Variants in ERICH3 observed in about 807,000 individuals in gnomAD.
The protein encoded by ERICH3 is glutamate rich 3.
ERICH3 carries 126 observed loss-of-function variants against 131.1 expected under a neutral mutation model. The observed-to-expected ratio is 0.96, with a 90% CI of 0.83 to 1.11. The LOEUF is 1.11. ERICH3 is among the 50% of genes most tolerant of loss of function. The pLI is 0.00. For missense variants in ERICH3, 2,050 were observed against 1,810.7 expected (o/e 1.13, Z -2.40); for synonymous variants, 695 against 644.6 (o/e 1.08, Z -1.18).
At chr1:74,610,454 C>T (rs1402985056) in intron 9 of ERICH3, among the ~76,000 whole-genome samples, 1 of 149,840 alleles carries the variant, frequency 6.7e-6, no homozygotes, top group Non-Finnish European at 1.5e-5. Context: ...CTTCTTAAGG[C>T]TTATACCCCC....
chr1:74,570,152 A>C lies in ERICH3; in HGVS notation c.*306T>G, dbSNP rs1320520667. 2 of 152,228 alleles carry C rather than the reference A, an allele frequency of 1.3e-5. No homozygotes were observed. The highest frequency in any genetic ancestry group is 2.9e-5 in the Non-Finnish European group (2 of 68,038). The allele number at this position is 152,228 out of a possible 1,614,324, so 9.4% of individuals were successfully genotyped here. A position where few individuals can be genotyped will look rare whatever the true frequency, so the allele number is the denominator to read the frequency against. ...ATCTTTGGTAAAAGTCAAGCATCTG[A>C]AAATTATCATTTTTGTTTGAAAATA... On this transcript the variant is annotated 3_prime_UTR_variant, in exon 15 of 15. Coordinates refer to ENST00000326665, the MANE Select transcript of ERICH3 (RefSeq NM_001002912.5).
At chr1:74,596,692 A>G (rs1304988697) in intron 11 of ERICH3, among the ~76,000 whole-genome samples, 3 of 152,066 alleles carry the variant, frequency 2.0e-5, no homozygotes, top group African/African-American at 7.2e-5. Context: ...TCAACCTTAT[A>G]ACATTCATCT....
chr1:74,572,553 C>A lies in ERICH3; in HGVS notation c.3157G>T (p.Glu1053Ter), dbSNP rs1284811083. Reference protein sequence around the residue: ...EDDRKEILPKELDLARERRKA... With the variant: ...EDDRKEILPK ...CTTCGCTCTCTTGCTAAATCTAATT[C>A]CTTGGGTAAAATTTCTTTCCTATCA... Residue 1053 changes from glutamate to a stop codon, truncating the protein, a stop_gained, in exon 14 of 15, where the codon GAA (glutamate) becomes TAA (stop). Coordinates refer to ENST00000326665, the MANE Select transcript of ERICH3 (RefSeq NM_001002912.5). LOFTEE classifies it high-confidence loss of function. 6.2e-7 allele frequency: 1 copy of A among 1,614,036 alleles called. No individual in the cohort carries two copies. Among genetic ancestry groups the A allele is most frequent in the Admixed American group, 1.7e-5 (1 of 60,012 alleles).
At chr1:74,653,663 T>A (rs936941111) in intron 1 of ERICH3, among the ~76,000 whole-genome samples, 1 of 152,150 alleles carries the variant, frequency 6.6e-6, no homozygotes, top group African/African-American at 2.4e-5. Flanking sequence ...ACAGCTCTTT[T>A]ATCTTACTAA....
At chr1:74,640,511 A>G (rs1277008447) in intron 5 of ERICH3, among the ~76,000 whole-genome samples, 5 of 152,204 alleles carry the variant, frequency 3.3e-5, no homozygotes, top group African/African-American at 1.2e-4. Flanking sequence ...GAAAAAGTAC[A>G]TGTTAACAAG....
chr1:74,644,737 A>G (rs1440055931), intron 3 of ERICH3, among the ~76,000 whole-genome samples: 2 of 152,050 alleles, frequency 1.3e-5, no homozygotes, highest in South Asian at 4.2e-4. Flanking sequence ...ATAGCTTCCT[A>G]ATTGACCTCC....
chr1:74,630,636 GAT>G (rs780194529), intron 7 of ERICH3, among the ~76,000 whole-genome samples: 1 of 152,146 alleles, frequency 6.6e-6, no homozygotes, highest in Non-Finnish European at 1.5e-5. Context: ...ATGAAGAAAA[GAT>G]AAAACAGAAG....
At position 74,571,589 on chromosome 1, in the gene ERICH3, T is replaced by G; in HGVS notation, c.4121A>C (p.Lys1374Thr). 1 of 1,614,090 alleles carries G rather than the reference T, an allele frequency of 6.2e-7. No individual in the cohort carries two copies. Among genetic ancestry groups the G allele is most frequent in the Non-Finnish European group, 8.5e-7 (1 of 1,179,990 alleles). ...AGCAACATCTGAAAAGGAGGAGGCTTTATTTGCTATTGTTTTCTCCTCGGC... is the reference window on the plus strand; with the variant it reads ...AGCAACATCTGAAAAGGAGGAGGCTGTATTTGCTATTGTTTTCTCCTCGGC... ...ETAEEKTIANKASSFSDVAEE... is the reference protein window; with the variant it reads ...ETAEEKTIANTASSFSDVAEE... Residue 1374 changes from lysine (K) to threonine (T), a missense_variant, in exon 14 of 15, where the codon AAA (lysine) becomes ACA (threonine). Lys to Thr is a moderately conservative substitution (Grantham distance 78). Coordinates refer to ENST00000326665, the MANE Select transcript of ERICH3 (RefSeq NM_001002912.5).
intron 5 of ERICH3, among the ~76,000 whole-genome samples, chr1:74,638,376 G>C (rs1328934382): frequency 6.6e-6 from 1 of 152,152 alleles, no homozygotes. Context: ...TAAAATACCT[G>C]AGACCAGAAC....
At chr1:74,657,368 C>T (rs1646594923) in intron 1 of ERICH3, among the ~76,000 whole-genome samples, 1 of 152,132 alleles carries the variant, frequency 6.6e-6, no homozygotes, top group Non-Finnish European at 1.5e-5. Context: ...GAACAACTGA[C>T]ATCAGGGCCA....
intron 1 of ERICH3, among the ~76,000 whole-genome samples, chr1:74,669,157 G>C (rs1468759030): frequency 1.3e-5 from 2 of 152,130 alleles, no homozygotes; most frequent in Non-Finnish European, 2.9e-5. Context: ...GGAGTACTAA[G>C]GATGTATTAA....
At chr1:74,627,723 T>G (rs1322494540) in intron 7 of ERICH3, among the ~76,000 whole-genome samples, 1 of 152,080 alleles carries the variant, frequency 6.6e-6, no homozygotes, top group Admixed American at 6.6e-5. Flanking sequence ...ATATGCAGAT[T>G]TTTTTCAATA....
At chr1:74,611,916 C>A (rs187823740) in intron 9 of ERICH3, among the ~76,000 whole-genome samples, 1 of 152,056 alleles carries the variant, frequency 6.6e-6, no homozygotes, top group African/African-American at 2.4e-5. Context: ...TTTGTAGGTA[C>A]GTTATTAGCT....
intron 12 of ERICH3, among the ~76,000 whole-genome samples, chr1:74,588,687 C>T (rs1423548965): frequency 5.3e-5 from 8 of 152,036 alleles, no homozygotes; most frequent in Non-Finnish European, 1.0e-4. Context: ...AGTTCCAGGG[C>T]ACAGGAGGCT....
chr1:74,571,328 C>T lies in ERICH3; in HGVS notation c.4382G>A (p.Ser1461Asn), dbSNP rs1454676843. 1.2e-6 allele frequency: 2 copies of T among 1,614,106 alleles called. No homozygotes were observed. The highest frequency in any genetic ancestry group is 3.3e-5 in the Admixed American group (2 of 60,016). Residue 1461 changes from serine to asparagine, a missense_variant, in exon 14 of 15, where the codon AGT (serine) becomes AAT (asparagine). Coordinates refer to ENST00000326665, the MANE Select transcript of ERICH3 (RefSeq NM_001002912.5). ...TCCTGTCTCCTGCCTCCCATCGCCA[C>T]TCCCAGTGGCTGCCTCCTGGCCCTC... ...GSEGQEAATG[S>N]GDGRQETGAA...
chr1:74,612,637 T>A lies in ERICH3; in HGVS notation c.1173A>T (p.Ser391=). 1.3e-6 allele frequency: 2 copies of A among 1,562,102 alleles called. No individual in the cohort carries two copies. Among genetic ancestry groups the A allele is most frequent in the Admixed American group, 3.4e-5 (2 of 58,512 alleles). ...GYFGFVCVER[S]SPCYKCIIAM... ...TGTTTCCATACTTGTAGCAAGGAGA[T>A]GATCTCTCAACACACACAAACCCAA... The change falls in exon 9 of 15, where the codon TCA becomes TCT. Residue 391 remains serine (S), a synonymous_variant. Transcript: ENST00000326665.
chr1:74,652,375 C>G (rs1646543371), intron 1 of ERICH3, among the ~76,000 whole-genome samples: 1 of 152,082 alleles, frequency 6.6e-6, no homozygotes, highest in South Asian at 2.1e-4. Context: ...GGCTGATCCT[C>G]TCTGTTCTGG....
rs929067965 is a variant in ERICH3, at chr1:74,577,118, G to A, written c.2177-182C>T. 6 of 529,450 alleles carry A rather than the reference G, an allele frequency of 1.1e-5. No individual in the cohort carries two copies. The Admixed American group carries it at 2.1e-4, about 19-fold the overall frequency. The allele number at this position is 529,450 out of a possible 1,614,324, so 32.8% of individuals were successfully genotyped here. On this transcript the variant is annotated intron_variant, in intron 12 of 14. Transcript: ENST00000326665. ...TCCTACCAGTATTGTATAATCTAAT[G>A]TTCTTTTATTTAATCCTAGACATCA...
In ERICH3 at chr1:74,612,806, G is replaced by A. The variant is rs543873407; in HGVS notation, c.1004C>T (p.Thr335Ile). 1.9e-6 allele frequency: 3 copies of A among 1,566,576 alleles called. No homozygotes were observed. The highest frequency in any genetic ancestry group is 3.4e-5 in the Admixed American group (2 of 57,984). ...VYKGKLLEKE[T>I]FQFISKRHHG... is the part of the protein sequence containing the mutation. ...ATGCCTTTTGGAAATAAACTGAAAG[G>A]TCTCTGGAATTAAAATAGAAATACA... The change falls in exon 9 of 15, where the codon ACC (threonine) becomes ATC (isoleucine). Residue 335 changes from threonine to isoleucine, a missense_variant. By Grantham distance (89) the Thr-to-Ile change is moderately conservative. Transcript: ENST00000326665.
Sources: gnomAD v4.1 joint callset for allele counts (sites outside exome capture counted in the v4.1 genomes callset) on GRCh38, gnomAD v4.1.1 for gene constraint, MANE v1.5 for transcripts, NCBI Gene and HGNC (gene_info 2026-07-23, HGNC 2026-07-21) for gene names.